SAMM50: variants seen among roughly 807,000 people sequenced by gnomAD.
The protein encoded by SAMM50 is SAMM50 sorting and assembly machinery component, also known as sorting and assembly machinery component 50 homolog.
In SAMM50, 47 loss-of-function variants were observed where a neutral mutation model predicts 66.9. The ratio of observed to expected loss-of-function variants is 0.70; its 90% CI spans 0.56 to 0.90. The LOEUF is 0.90. Ranked by LOEUF, SAMM50 falls within the 40% of genes least tolerant of loss-of-function variation. SAMM50 has a pLI of 0.00. For missense variants in SAMM50, 535 were observed against 595.3 expected (o/e 0.90, Z 1.05); for synonymous variants, 191 against 214.1 (o/e 0.89, Z 0.94).
Position 43,968,716 on chromosome 22 carries a change from T to A in SAMM50, c.235-15T>A, listed in dbSNP as rs78029138. On this transcript the variant is annotated splice_polypyrimidine_tract_variant and intron_variant, in intron 3 of 14. Coordinates refer to ENST00000350028, the MANE Select transcript of SAMM50 (RefSeq NM_015380.5). ...AGAAGAATATATTCCTTGTTTTTCT[T>A]CCCCCATTTTATAGGTAATGCGGAA... is the stretch of plus-strand genomic sequence containing the variant. 1.5e-4 allele frequency: 237 copies of A among 1,579,090 alleles called. 2 individuals carry two copies. In the South Asian group the frequency reaches 2.4e-3, roughly 16 times the overall value.
chr22:43,967,971 C>T (rs768689862), intron 3 of SAMM50, among the ~76,000 whole-genome samples: 4 of 152,100 alleles, frequency 2.6e-5, no homozygotes, highest in Non-Finnish European at 4.4e-5. Context: ...CCTGTAGTCC[C>T]AGCACTTTGG....
Position 43,972,267 on chromosome 22 carries a change from T to TA in SAMM50, c.355dup (p.Thr119AsnfsTer3). ...ACGCACTTCCAAATGGGTTAGACGT[T>TA]ACCTTTGAAGTAACTGAATTGAGGA... On this transcript the variant is annotated frameshift_variant, in exon 5 of 15. Coordinates refer to ENST00000350028, the MANE Select transcript of SAMM50 (RefSeq NM_015380.5). LOFTEE classifies it high-confidence loss of function. 1 of 1,603,476 alleles carries TA rather than the reference T, an allele frequency of 6.2e-7. No individual in the cohort carries two copies. The highest frequency in any genetic ancestry group is 8.5e-7 in the Non-Finnish European group (1 of 1,176,968).
At chr22:43,960,085 G>T (rs755134621) in intron 1 of SAMM50, among the ~76,000 whole-genome samples, 1 of 152,130 alleles carries the variant, frequency 6.6e-6, no homozygotes, top group East Asian at 1.9e-4. Flanking sequence ...TTTTTTCAGC[G>T]TAATGGGATA....
At position 43,996,396 on chromosome 22, in the gene SAMM50, C is replaced by A; in HGVS notation, c.*13C>A. On this transcript the variant is annotated 3_prime_UTR_variant, in exon 15 of 15. Coordinates refer to ENST00000350028, the MANE Select transcript of SAMM50 (RefSeq NM_015380.5). ...AAGGTTCCTGTAGCCGACACCCCTA[C>A]AGGAGAAGCTCTGGGACTGGGGCAG... The A allele has an allele frequency of 6.2e-7, 1 of 1,613,802 alleles. No homozygotes were observed. The highest frequency in any genetic ancestry group is 8.5e-7 in the Non-Finnish European group (1 of 1,179,648).
At chr22:43,959,297 G>T (rs1164425448) in intron 1 of SAMM50, among the ~76,000 whole-genome samples, 1 of 151,840 alleles carries the variant, frequency 6.6e-6, no homozygotes, top group African/African-American at 2.4e-5. Flanking sequence ...GGGATTACAG[G>T]TGTGAGCCAC....
rs1017861054 is a variant in SAMM50, at chr22:43,961,893, T to C, written c.22-1393T>C. ...CCACCATACTTGACCTTTCTTTATG[T>C]TTTATTTTTACTATTATTACTATTT... is the stretch of plus-strand genomic sequence containing the variant. On this transcript the variant is annotated intron_variant, in intron 1 of 14. Transcript: ENST00000350028. Among the ~76,000 whole-genome samples the C allele has an allele frequency of 2.0e-5, 3 of 152,064 alleles. No individual in the cohort carries two copies. In the East Asian group the frequency reaches 5.8e-4, roughly 29 times the overall value.
chr22:43,990,668 AG>A (rs1380132037), intron 14 of SAMM50, among the ~76,000 whole-genome samples: 3 of 151,626 alleles, frequency 2.0e-5, no homozygotes, highest in Admixed American at 6.6e-5. Context: ...AGCCCCTGCC[AG>A]GGTCTGGCTG....
At chr22:43,964,591 C>T (rs1265145280) in intron 3 of SAMM50, 38 bp downstream of exon 3, 11 of 1,132,088 alleles carry the variant, frequency 9.7e-6, no homozygotes, top group Non-Finnish European at 1.5e-5. Context: ...TTCCCAGTCT[C>T]TTCTGAAGAA....
Position 43,989,251 on chromosome 22 carries a change from A to T in SAMM50, c.1216A>T (p.Asn406Tyr). The T allele has an allele frequency of 1.9e-6, 3 of 1,614,020 alleles. No individual in the cohort carries two copies. The highest frequency in any genetic ancestry group is 2.5e-6 in the Non-Finnish European group (3 of 1,179,958). Residue 406 changes from asparagine to tyrosine, a missense_variant, in exon 13 of 15, where the codon AAC becomes TAC. Transcript: ENST00000350028. ...FLNAGNLCNL[N>Y]YGEGPKAHIR... ...CAACGCAGGAAACCTCTGCAACCTC[A>T]ACTATGGTAAAACTTGCGCTATTCA...
chr22:43,987,913 T>TACAC (rs1555888842), intron 12 of SAMM50: 1 of 151,292 alleles, frequency 6.6e-6, no homozygotes, highest in African/African-American at 2.4e-5. Context: ...TATATATATA[T>TACAC]ACACACACAG....
At position 43,972,276 on chromosome 22, in the gene SAMM50, A is replaced by C. The variant is rs763914527; in HGVS notation, c.363A>C (p.Glu121Asp). The C allele has an allele frequency of 6.2e-7, 1 of 1,606,206 alleles. No individual in the cohort carries two copies. The highest frequency in any genetic ancestry group is 8.5e-7 in the Non-Finnish European group (1 of 1,177,934). The change falls in exon 5 of 15, where the codon GAA (glutamate) becomes GAC (aspartate). Residue 121 changes from glutamate to aspartate, a missense_variant. Coordinates refer to ENST00000350028, the MANE Select transcript of SAMM50 (RefSeq NM_015380.5). ...CAAATGGGTTAGACGTTACCTTTGA[A>C]GTAACTGAATTGAGGAGATTAACGG... is the stretch of plus-strand genomic sequence containing the variant. ...ALPNGLDVTF[E>D]VTELRRLTGS...
In SAMM50 at chr22:43,964,462, A is replaced by G; in HGVS notation, c.143A>G (p.Gln48Arg). ...CTGTGTGACTTTTAGGTGGTTGTTCAACATGTTCATTTTGATGGACTTGGA... is the reference window on the plus strand; with the variant it reads ...CTGTGTGACTTTTAGGTGGTTGTTCGACATGTTCATTTTGATGGACTTGGA... ...EILENKDVVVQHVHFDGLGRT... is the reference protein window; with the variant it reads ...EILENKDVVVRHVHFDGLGRT... The change falls in exon 3 of 15, where the codon CAA becomes CGA. Residue 48 changes from glutamine to arginine, a missense_variant. Gln to Arg is a conservative substitution (Grantham distance 43). Coordinates refer to ENST00000350028, the MANE Select transcript of SAMM50 (RefSeq NM_015380.5). 6.2e-7 allele frequency: 1 copy of G among 1,604,012 alleles called. No individual in the cohort carries two copies.
chr22:43,973,178 T>C (rs1256316158), intron 6 of SAMM50, 58 bp from the exon 7 acceptor site: 13 of 1,327,566 alleles, frequency 9.8e-6, no homozygotes, highest in Admixed American at 1.8e-5. Context: ...TTGATTTAAA[T>C]GTGTGCAAGT....
At chr22:43,966,650 C>G (rs1328573879) in intron 3 of SAMM50, among the ~76,000 whole-genome samples, 3 of 152,138 alleles carry the variant, frequency 2.0e-5, no homozygotes, top group African/African-American at 7.2e-5. Context: ...GCCACTGCAC[C>G]CGGCCCACAA....
chr22:43,976,086 A>G lies in SAMM50; in HGVS notation c.680A>G (p.Lys227Arg). 1 of 1,612,440 alleles carries G rather than the reference A, an allele frequency of 6.2e-7. No individual in the cohort carries two copies. Among genetic ancestry groups the G allele is most frequent in the Non-Finnish European group, 8.5e-7 (1 of 1,178,540 alleles). ...ATATGGAAGACCAGCCACACTGTCA[A>G]GTGGGAAGGCGTATGGCGAGAACTG... ...FPIWKTSHTV[K>R]WEGVWRELGC... The change falls in exon 8 of 15, where the codon AAG becomes AGG. Residue 227 changes from lysine to arginine, a missense_variant. Coordinates refer to ENST00000350028, the MANE Select transcript of SAMM50 (RefSeq NM_015380.5).
intron 3 of SAMM50, among the ~76,000 whole-genome samples, chr22:43,964,918 G>A (rs1603418753): frequency 6.6e-6 from 1 of 152,114 alleles, no homozygotes; most frequent in Non-Finnish European, 1.5e-5. Flanking sequence ...CAACCCCGTG[G>A]GGTGGGCGCT....
chr22:43,971,874 C>A (rs143145578), intron 4 of SAMM50, among the ~76,000 whole-genome samples: 1 of 152,154 alleles, frequency 6.6e-6, no homozygotes, highest in Admixed American at 6.5e-5. Context: ...CCACATCTGG[C>A]TAATTTTTAA....
chr22:43,973,421 CAGGCCCT>C, intron 7 of SAMM50, 98 bp downstream of exon 7: 1 of 734,246 alleles, frequency 1.4e-6, no homozygotes, highest in Non-Finnish European at 2.5e-6. Context: ...GTGGAAAGCA[CAGGCCCT>C]CTGCCCTCCG....
chr22:43,964,523 A>C lies in SAMM50; in HGVS notation c.204A>C (p.Gly68=). The C allele has an allele frequency of 6.2e-7, 1 of 1,610,200 alleles. No individual in the cohort carries two copies. The highest frequency in any genetic ancestry group is 8.5e-7 in the Non-Finnish European group (1 of 1,176,520). Reference sequence around the variant, plus strand: ...ATGATATCATCATTTGTGAAATTGGAGATGTTTTCAAGGCCAAAAACCTAA... The same window carrying C: ...ATGATATCATCATTTGTGAAATTGGCGATGTTTTCAAGGCCAAAAACCTAA... The part of the protein sequence containing the change: ...TKDDIIICEI[G]DVFKAKNLIE... Residue 68 remains glycine (G), a synonymous_variant, in exon 3 of 15, where the codon GGA becomes GGC. Transcript: ENST00000350028.
Sources: allele counts gnomAD v4.1 joint callset (sites outside exome capture counted in the v4.1 genomes callset), GRCh38; gene constraint gnomAD v4.1.1; transcripts MANE v1.5; gene names NCBI Gene and HGNC (gene_info 2026-07-23, HGNC 2026-07-21).